ABCA8: variants seen among roughly 807,000 people sequenced by gnomAD.
ABCA8 encodes ABC-type organic anion transporter ABCA8.
Under a neutral mutation model 192.3 loss-of-function variants are expected in ABCA8, and 177 were observed. The observed-to-expected ratio is 0.92, with a 90% confidence interval of 0.81 to 1.04. The LOEUF is 1.04. Among genes scored for constraint, ABCA8 ranks in the 50% least tolerant of loss-of-function variants. The pLI, the probability that ABCA8 is intolerant of heterozygous loss-of-function variation, is 0.00. For missense variants in ABCA8, 1,915 were observed against 1,904.8 expected, an observed-to-expected ratio of 1.01 and a Z score of -0.10; for synonymous variants, 642 against 690.2, an observed-to-expected ratio of 0.93 and a Z score of 1.09.
Position 68,923,917 on chromosome 17 carries a change from CA to C in ABCA8, c.1442+783del, listed in dbSNP as rs564289416. 1.3e-3 allele frequency among the ~76,000 whole-genome samples: 191 copies of C among 152,242 alleles called. 1 individual carries two copies. The highest frequency in any genetic ancestry group is 6.8e-3 in the Middle Eastern group (2 of 294). ...CCAAACAAAATGGACATTTTGTTGTCACACAGAATGAGATAGGCTTAACTCT... is the reference window on the plus strand; with the variant it reads ...CCAAACAAAATGGACATTTTGTTGTCCACAGAATGAGATAGGCTTAACTCT... On this transcript the variant is annotated intron_variant, in intron 11 of 39. Coordinates refer to ENST00000586539, the MANE Select transcript of ABCA8 (RefSeq NM_001288985.2).
In ABCA8 at chr17:68,954,041, G is replaced by A. The variant is rs59830399; in HGVS notation, c.-167+1178C>T. Among the ~76,000 whole-genome samples, 323 of 149,942 alleles carry A rather than the reference G, an allele frequency of 2.2e-3. 1 individual carries two copies. The highest frequency in any genetic ancestry group is 3.3e-3 in the Non-Finnish European group (224 of 67,448). On this transcript the variant is annotated intron_variant, in intron 1 of 39. Transcript: ENST00000586539. ...AGGAGGAATTTCTTTTTTTTTTTTC[G>A]TTTTATTATTATACTTTAAGTTTTA...
intron 12 of ABCA8, 30 bp downstream of exon 12, chr17:68,922,212 T>TAAC: frequency 5.2e-5 from 5 of 95,806 alleles, no homozygotes; most frequent in Non-Finnish European, 9.1e-5. Context: ...TTTTTTTTTT[T>TAAC]TTTTTTTTTT....
intron 17 of ABCA8, among the ~76,000 whole-genome samples, chr17:68,908,349 T>C (rs533030564): frequency 5.3e-5 from 8 of 152,182 alleles, no homozygotes; most frequent in Non-Finnish European, 8.8e-5. Flanking sequence ...ACAGTTTCAG[T>C]TACTCAATGT....
In ABCA8 at chr17:68,902,612, T is replaced by C. The variant is rs1303876430; in HGVS notation, c.2764+101A>G. 1.2e-5 allele frequency: 12 copies of C among 1,023,148 alleles called. No individual in the cohort carries two copies. The East Asian group carries it at 1.8e-4, about 16-fold the overall frequency. 63.4% of individuals were successfully genotyped at this position (1,023,148 alleles called of 1,614,324 possible). Reference sequence around the variant, plus strand: ...GTTTCATAAATTGTTTTTTAACACATGCTGAATAAGTGAAAAGCTATTTTC... The same window carrying C: ...GTTTCATAAATTGTTTTTTAACACACGCTGAATAAGTGAAAAGCTATTTTC... On this transcript the variant is annotated intron_variant, in intron 21 of 39. Transcript: ENST00000586539.
At chr17:68,887,963 T>C (rs1445624255) in intron 24 of ABCA8, among the ~76,000 whole-genome samples, 2 of 120,290 alleles carry the variant, frequency 1.7e-5, no homozygotes, top group Non-Finnish European at 3.5e-5. Context: ...TGGATATATA[T>C]ACACACACAT....
At chr17:68,901,616 G>C (rs1422192518) in intron 21 of ABCA8, among the ~76,000 whole-genome samples, 1 of 152,034 alleles carries the variant, frequency 6.6e-6, no homozygotes, top group African/African-American at 2.4e-5. Flanking sequence ...GACCATCCTG[G>C]CCAACATGGT....
intron 19 of ABCA8, among the ~76,000 whole-genome samples, chr17:68,905,414 A>G (rs1480808722): frequency 6.6e-6 from 1 of 152,228 alleles, no homozygotes; most frequent in African/African-American, 2.4e-5. Context: ...AATATGGACA[A>G]TATTGAGAGC....
At chr17:68,884,475 A>C (rs1224980741) in intron 27 of ABCA8, 79 bp from the exon 28 acceptor site, 2 of 1,456,302 alleles carry the variant, frequency 1.4e-6, no homozygotes, top group Admixed American at 2.8e-5. Context: ...AATTGGCCCT[A>C]AACAGCCCTG....
chr17:68,917,164 G>A (rs968330425), intron 17 of ABCA8, among the ~76,000 whole-genome samples, 197 bp downstream of exon 17: 1 of 152,094 alleles, frequency 6.6e-6, no homozygotes, highest in Non-Finnish European at 1.5e-5. Flanking sequence ...CCAGCTACTC[G>A]GGAGGCTGAG....
intron 5 of ABCA8, among the ~76,000 whole-genome samples, chr17:68,936,139 G>A (rs2068058731): frequency 6.6e-6 from 1 of 151,992 alleles, no homozygotes; most frequent in South Asian, 2.1e-4. Context: ...TGTTTACTCT[G>A]TTGATTGTTT....
rs137856792 is a variant in ABCA8, at chr17:68,868,856, G to A, written c.4712-500C>T. Among the ~76,000 whole-genome samples, 678 of 152,218 alleles carry A rather than the reference G, an allele frequency of 4.5e-3. 7 individuals carry two copies. The highest frequency in any genetic ancestry group is 0.014 in the African/African-American group (592 of 41,530). ...AGAGGCGGTTAGAGCTCTAATAGGA[G>A]CTCAGCAGATTGGAAATATGCCACC... On this transcript the variant is annotated intron_variant, in intron 38 of 39. Transcript: ENST00000586539.
intron 8 of ABCA8, 88 bp downstream of exon 8, chr17:68,929,473 A>C: frequency 7.1e-7 from 1 of 1,415,830 alleles, no homozygotes; most frequent in Non-Finnish European, 9.5e-7. Flanking sequence ...GTAGGTAGAA[A>C]AAAAAGGAGG....
At chr17:68,944,347 T>C (rs1046796805) in intron 2 of ABCA8, among the ~76,000 whole-genome samples, 2 of 90,676 alleles carry the variant, frequency 2.2e-5, no homozygotes, top group African/African-American at 3.9e-5. Flanking sequence ...TATATATATA[T>C]ATATATATAT....
At chr17:68,907,932 T>A in intron 17 of ABCA8, 53 bp from the exon 18 acceptor site, 3 of 1,466,192 alleles carry the variant, frequency 2.0e-6, no homozygotes, top group Non-Finnish European at 2.7e-6. Context: ...TAGTCTCCAA[T>A]AGCAAGAAAA....
chr17:68,910,759 A>G (rs560333935), intron 17 of ABCA8, among the ~76,000 whole-genome samples: 1 of 152,312 alleles, frequency 6.6e-6, no homozygotes, highest in East Asian at 1.9e-4. Flanking sequence ...CCACAGCAGA[A>G]TAGGACACCA....
At chr17:68,951,213 G>T (rs971326499) in intron 1 of ABCA8, among the ~76,000 whole-genome samples, 17 of 152,098 alleles carry the variant, frequency 1.1e-4, no homozygotes, top group African/African-American at 3.9e-4. Context: ...CATAAATGTG[G>T]CAATAGACCA....
At chr17:68,930,794 A>C (rs969790442) in intron 7 of ABCA8, among the ~76,000 whole-genome samples, 1 of 152,234 alleles carries the variant, frequency 6.6e-6, no homozygotes, top group Admixed American at 6.5e-5. Context: ...GTCAATATTG[A>C]TGTATAAGAT....
chr17:68,918,393 C>T, intron 15 of ABCA8, 34 bp downstream of exon 15: 1 of 1,547,606 alleles, frequency 6.5e-7, no homozygotes, highest in Non-Finnish European at 8.7e-7. Context: ...ATTTTTTAAA[C>T]TTTGAATTCA....
intron 10 of ABCA8, among the ~76,000 whole-genome samples, chr17:68,927,555 G>A (rs575033965): frequency 2.6e-5 from 4 of 151,916 alleles, no homozygotes; most frequent in Non-Finnish European, 4.4e-5. Flanking sequence ...TTGTCCAGCC[G>A]GAGCTCAGAA....
Sources: gnomAD v4.1 joint callset for allele counts (sites outside exome capture counted in the v4.1 genomes callset) on GRCh38, gnomAD v4.1.1 for gene constraint, MANE v1.5 for transcripts, NCBI Gene and HGNC (gene_info 2026-07-23, HGNC 2026-07-21) for gene names.